Variants in LRRC7 observed in about 807,000 individuals in gnomAD.
The protein encoded by LRRC7 is leucine rich repeat containing 7.
LRRC7 carries 23 observed loss-of-function variants against 175.7 expected under a neutral mutation model. That is an observed-to-expected ratio of 0.13 (90% confidence interval 0.09 to 0.19). The LOEUF is 0.19. Among genes scored for constraint, LRRC7 ranks in the 10% least tolerant of loss-of-function variants. LRRC7 has a pLI of 1.00. For synonymous variants in LRRC7, 685 were observed against 680.9 expected (o/e 1.01, Z -0.09); for missense variants, 1,354 against 1,904.7 (o/e 0.71, Z 5.38).
chr1:70,048,596 A>G (rs1038238658), intron 22 of LRRC7, among the ~76,000 whole-genome samples: 2 of 152,126 alleles, frequency 1.3e-5, no homozygotes, highest in African/African-American at 2.4e-5. Flanking sequence ...ACCTCACATC[A>G]TCTTCAAAAT....
At chr1:69,811,778 G>A (rs1045838190) in intron 4 of LRRC7, among the ~76,000 whole-genome samples, 4 of 152,064 alleles carry the variant, frequency 2.6e-5, no homozygotes, top group Non-Finnish European at 5.9e-5. Flanking sequence ...TGGGGGTTGG[G>A]AGGCTAGGGG....
intron 13 of LRRC7, among the ~76,000 whole-genome samples, chr1:70,014,624 A>G (rs1293367125): frequency 1.3e-5 from 2 of 152,078 alleles, no homozygotes; most frequent in African/African-American, 4.8e-5. Context: ...CCAAAGTTAA[A>G]TATTACCACC....
At chr1:69,573,036 T>A (rs189589271) in intron 1 of LRRC7, among the ~76,000 whole-genome samples, 10 of 152,232 alleles carry the variant, frequency 6.6e-5, no homozygotes, top group African/African-American at 2.4e-4. Context: ...TCATACTGCC[T>A]CCCCTACCAT....
chr1:69,613,991 A>G (rs1248336607), intron 1 of LRRC7, among the ~76,000 whole-genome samples: 1 of 152,036 alleles, frequency 6.6e-6, no homozygotes, highest in African/African-American at 2.4e-5. Flanking sequence ...AATAATATTT[A>G]TCTATCCTAC....
chr1:70,004,743 CTCTT>C (rs1655848103), intron 11 of LRRC7, among the ~76,000 whole-genome samples: 3 of 151,696 alleles, frequency 2.0e-5, no homozygotes. Flanking sequence ...CTCTCTCCCT[CTCTT>C]TCTCTGTCTC....
chr1:69,578,016 G>T (rs1330399930), intron 1 of LRRC7, among the ~76,000 whole-genome samples: 1 of 152,006 alleles, frequency 6.6e-6, no homozygotes, highest in African/African-American at 2.4e-5. Flanking sequence ...CCTACAAAAT[G>T]GGAGAAAATT....
At chr1:69,790,548 T>G (rs1207201727) in intron 3 of LRRC7, among the ~76,000 whole-genome samples, 1 of 152,008 alleles carries the variant, frequency 6.6e-6, no homozygotes, top group Non-Finnish European at 1.5e-5. Flanking sequence ...AGAGAGTTGT[T>G]AGTAAATCTT....
intron 25 of LRRC7, among the ~76,000 whole-genome samples, chr1:70,095,521 C>T (rs531432860): frequency 8.0e-4 from 122 of 152,304 alleles, no homozygotes; most frequent in Non-Finnish European, 1.5e-3. Context: ...ATGTACTCTT[C>T]ACACTCTCCT....
At chr1:70,065,557 A>G (rs1661910014) in intron 23 of LRRC7, among the ~76,000 whole-genome samples, 2 of 151,982 alleles carry the variant, frequency 1.3e-5, no homozygotes, top group African/African-American at 2.4e-5. Flanking sequence ...TAGGTTGTTA[A>G]TGAGACCAAA....
intron 1 of LRRC7, among the ~76,000 whole-genome samples, chr1:69,612,830 G>C (rs535445716): frequency 1.3e-5 from 2 of 152,076 alleles, no homozygotes; most frequent in African/African-American, 4.8e-5. Context: ...CAGATGAAGA[G>C]ACTGAAGCTT....
At chr1:70,077,537 C>T (rs959888525) in intron 24 of LRRC7, among the ~76,000 whole-genome samples, 3 of 152,142 alleles carry the variant, frequency 2.0e-5, no homozygotes, top group African/African-American at 7.2e-5. Flanking sequence ...AACCAGTTCT[C>T]TGATTTAGTT....
At chr1:69,760,031 T>A in intron 2 of LRRC7, 160 bp from the exon 3 acceptor site, 1 of 719,636 alleles carries the variant, frequency 1.4e-6, no homozygotes, top group Non-Finnish European at 2.2e-6. Context: ...TTCGCAGGGC[T>A]GTTTAAGGAT....
chr1:70,003,004 G>C (rs1335612346), intron 11 of LRRC7, among the ~76,000 whole-genome samples: 1 of 152,138 alleles, frequency 6.6e-6, no homozygotes, highest in Non-Finnish European at 1.5e-5. Flanking sequence ...TGGATGGGGT[G>C]GCATAAACAA....
At chr1:69,848,688 T>A (rs1052593646) in intron 7 of LRRC7, among the ~76,000 whole-genome samples, 1 of 152,064 alleles carries the variant, frequency 6.6e-6, no homozygotes, top group Non-Finnish European at 1.5e-5. Context: ...TTATTTCAGG[T>A]CTTTCAATAT....
At chr1:70,070,392 C>T (rs753237232) in intron 23 of LRRC7, among the ~76,000 whole-genome samples, 7 of 152,148 alleles carry the variant, frequency 4.6e-5, no homozygotes, top group South Asian at 2.1e-4. Context: ...TTTTTAAGTG[C>T]TGCCTTAAAA....
chr1:69,607,407 A>G (rs1359363617), intron 1 of LRRC7: 1 of 152,130 alleles, frequency 6.6e-6, no homozygotes, highest in African/African-American at 2.4e-5. Context: ...AAGCATTGCT[A>G]AAAATGACAG....
At chr1:69,611,831 A>G (rs529226366) in intron 1 of LRRC7, among the ~76,000 whole-genome samples, 1 of 152,254 alleles carries the variant, frequency 6.6e-6, no homozygotes, top group Non-Finnish European at 1.5e-5. Context: ...TGTTTATAAC[A>G]TGATGACACA....
chr1:69,696,611 A>T (rs1662622687), intron 2 of LRRC7, among the ~76,000 whole-genome samples: 1 of 152,148 alleles, frequency 6.6e-6, no homozygotes, highest in African/African-American at 2.4e-5. Flanking sequence ...TCCAAATCTC[A>T]TGTTGAAATG....
chr1:70,094,484 A>G (rs984078570), intron 25 of LRRC7, among the ~76,000 whole-genome samples: 3 of 152,186 alleles, frequency 2.0e-5, no homozygotes, highest in Admixed American at 2.0e-4. Flanking sequence ...AACTATTATC[A>G]CCAATAAACT....
Sources: allele counts gnomAD v4.1 joint callset (sites outside exome capture counted in the v4.1 genomes callset), GRCh38; gene constraint gnomAD v4.1.1; transcripts MANE v1.5; gene names NCBI Gene and HGNC (gene_info 2026-07-23, HGNC 2026-07-21).